Variants in NCKAP5 observed in about 807,000 individuals in gnomAD.
The protein encoded by NCKAP5 is NCK associated protein 5.
A neutral mutation model predicts 167.0 loss-of-function variants in NCKAP5; 92 were observed. The observed-to-expected ratio is 0.55, with a 90% CI of 0.47 to 0.66. The LOEUF is 0.66. NCKAP5 is among the 30% of genes least tolerant of loss of function. NCKAP5 has a pLI of 0.00. For synonymous variants in NCKAP5, 891 were observed against 877.4 expected, an observed-to-expected ratio of 1.02 and a Z score of -0.27; for missense variants, 2,378 against 2,315.0, an observed-to-expected ratio of 1.03 and a Z score of -0.56.
rs865872842 is a variant in NCKAP5, at chr2:133,015,529, T to A, written c.342-21290A>T. 2.0e-5 allele frequency among the ~76,000 whole-genome samples: 3 copies of A among 152,310 alleles called. No homozygotes were observed. The South Asian group carries it at 6.2e-4, about 32-fold the overall frequency. ...CTCTGTTCATTGTACTACTCCATGG[T>A]CATGAACATGTCTGAATTTTCCAAA... is the stretch of plus-strand genomic sequence containing the variant. On this transcript the variant is annotated intron_variant, in intron 6 of 19. Transcript: ENST00000409261.
At chr2:133,614,912 AC>A in the NCKAP5 span, among the ~76,000 whole-genome samples, 1 of 152,218 alleles carries the variant, frequency 6.6e-6, no homozygotes, top group Non-Finnish European at 1.5e-5. Flanking sequence ...AGGTCGGGCT[AC>A]CCTCAAAGGG....
At chr2:133,332,764 G>A (rs935527931) in intron 3 of NCKAP5, among the ~76,000 whole-genome samples, 1 of 152,140 alleles carries the variant, frequency 6.6e-6, no homozygotes, top group East Asian at 1.9e-4. Flanking sequence ...TATTTGCTCT[G>A]CTTCTAGGGG....
chr2:133,673,087 C>G, the NCKAP5 span, among the ~76,000 whole-genome samples: 1 of 152,182 alleles, frequency 6.6e-6, no homozygotes, highest in African/African-American at 2.4e-5. Flanking sequence ...ACCATATACT[C>G]TGTGTTAACC....
chr2:132,825,070 T>A (rs930394634), intron 11 of NCKAP5, among the ~76,000 whole-genome samples: 2 of 152,124 alleles, frequency 1.3e-5, no homozygotes, highest in Admixed American at 6.6e-5. Context: ...GTATTAGAGA[T>A]CCCTGAAAAC....
the NCKAP5 span, among the ~76,000 whole-genome samples, chr2:133,609,919 AAG>A: frequency 2.0e-5 from 3 of 152,198 alleles, no homozygotes; most frequent in African/African-American, 7.2e-5. Context: ...ACCACCTACA[AAG>A]AGTAGTTCCT....
At chr2:132,834,554 C>A (rs1032666478) in intron 11 of NCKAP5, among the ~76,000 whole-genome samples, 3 of 152,142 alleles carry the variant, frequency 2.0e-5, no homozygotes, top group African/African-American at 4.8e-5. Flanking sequence ...ACTGTGTTAG[C>A]CAGGATGGTC....
At chr2:133,069,463 A>G (rs1168181787) in intron 6 of NCKAP5, among the ~76,000 whole-genome samples, 1 of 152,066 alleles carries the variant, frequency 6.6e-6, no homozygotes, top group Non-Finnish European at 1.5e-5. Context: ...TTCCCCTCTC[A>G]TTTTTCATTC....
chr2:132,795,917 A>AC (rs1350197063), intron 12 of NCKAP5, among the ~76,000 whole-genome samples: 2 of 151,294 alleles, frequency 1.3e-5, no homozygotes, highest in African/African-American at 2.4e-5. Context: ...TAAAAAAAAA[A>AC]AACTCCTGAC....
At chr2:133,160,775 C>T (rs2083764798) in intron 5 of NCKAP5, among the ~76,000 whole-genome samples, 1 of 152,132 alleles carries the variant, frequency 6.6e-6, no homozygotes, top group Admixed American at 6.5e-5. Context: ...ATACCCAGTT[C>T]TGAGGATTAG....
At chr2:133,335,005 A>T (rs1387782823) in intron 3 of NCKAP5, among the ~76,000 whole-genome samples, 1 of 152,210 alleles carries the variant, frequency 6.6e-6, no homozygotes, top group African/African-American at 2.4e-5. Flanking sequence ...AATGACACAC[A>T]TTTGCTGAGT....
chr2:133,141,981 T>G (rs868812842), intron 5 of NCKAP5, among the ~76,000 whole-genome samples: 2 of 152,168 alleles, frequency 1.3e-5, no homozygotes, highest in Middle Eastern at 3.2e-3. Context: ...GCTTTAGTAT[T>G]TTATTTCATA....
the NCKAP5 span, among the ~76,000 whole-genome samples, chr2:133,595,469 C>T: frequency 6.6e-6 from 1 of 151,410 alleles, no homozygotes; most frequent in African/African-American, 2.4e-5. Context: ...CCTCCTCTTC[C>T]TTTTTCCTTT....
At position 133,214,296 on chromosome 2, in the gene NCKAP5, A is replaced by G. The variant is rs528776596; in HGVS notation, c.144-517T>C. On this transcript the variant is annotated intron_variant, in intron 4 of 19. Coordinates refer to ENST00000409261, the MANE Select transcript of NCKAP5 (RefSeq NM_207363.3). ...CTCATTTGAGCCTGACAACAATCCCATGGGTGATTTCATTATGCCCATTTT... is the reference window on the plus strand; with the variant it reads ...CTCATTTGAGCCTGACAACAATCCCGTGGGTGATTTCATTATGCCCATTTT... Among the ~76,000 whole-genome samples, 5 of 152,250 alleles carry G rather than the reference A, an allele frequency of 3.3e-5. No homozygotes were observed. In the East Asian group the frequency reaches 9.7e-4, roughly 29 times the overall value.
intron 5 of NCKAP5, among the ~76,000 whole-genome samples, chr2:133,176,056 C>A (rs2084446257): frequency 6.6e-6 from 1 of 152,160 alleles, no homozygotes. Flanking sequence ...GGTAGGAGGA[C>A]TAGTCAGGGA....
chr2:133,668,556 T>C, the NCKAP5 span, among the ~76,000 whole-genome samples: 1 of 152,032 alleles, frequency 6.6e-6, no homozygotes, highest in Non-Finnish European at 1.5e-5. Flanking sequence ...TGAGCATATT[T>C]TATGTATACT....
chr2:133,200,187 C>G (rs1039815518), intron 5 of NCKAP5, among the ~76,000 whole-genome samples: 2 of 149,880 alleles, frequency 1.3e-5, no homozygotes, highest in Admixed American at 1.3e-4. Flanking sequence ...CTTCTCAATT[C>G]CCTCAATTCT....
At chr2:133,278,402 T>A (rs1402665260) in intron 4 of NCKAP5, among the ~76,000 whole-genome samples, 2 of 152,060 alleles carry the variant, frequency 1.3e-5, no homozygotes, top group Non-Finnish European at 2.9e-5. Flanking sequence ...CCTTCCTCCA[T>A]CTTCAAAAGC....
the NCKAP5 span, among the ~76,000 whole-genome samples, chr2:133,578,399 T>C: frequency 2.0e-5 from 3 of 152,260 alleles, no homozygotes; most frequent in South Asian, 2.1e-4. Flanking sequence ...AGCCTGGAAC[T>C]AACCCTGGGG....
At chr2:133,506,429 C>T (rs1007428468) in intron 3 of NCKAP5, among the ~76,000 whole-genome samples, 1 of 152,212 alleles carries the variant, frequency 6.6e-6, no homozygotes, top group Non-Finnish European at 1.5e-5. Context: ...CCCTTCCCTG[C>T]CCTGGTCTGG....
Sources: gnomAD v4.1 joint callset for allele counts (sites outside exome capture counted in the v4.1 genomes callset) on GRCh38, gnomAD v4.1.1 for gene constraint, MANE v1.5 for transcripts, NCBI Gene and HGNC (gene_info 2026-07-23, HGNC 2026-07-21) for gene names.